HTR2C: variants seen among roughly 807,000 people sequenced by gnomAD.
HTR2C encodes the protein 5-hydroxytryptamine receptor 2C.
In HTR2C, 5 loss-of-function variants were observed where a neutral mutation model predicts 21.0. The observed-to-expected ratio is 0.24, with a 90% CI of 0.12 to 0.50. HTR2C has a LOEUF of 0.50. Among genes scored for constraint, HTR2C ranks in the 20% least tolerant of loss-of-function variants. The pLI, the probability that HTR2C is intolerant of heterozygous loss-of-function variation, is 0.98. For synonymous variants in HTR2C, 150 were observed against 145.3 expected (o/e 1.03, Z -0.23); for missense variants, 271 against 371.2 (o/e 0.73, Z 2.22).
At chrX:114,734,822 C>T (rs1417803071) in intron 4 of HTR2C, among the ~76,000 whole-genome samples, 4 of 109,966 alleles carry the variant, frequency 3.6e-5, no homozygotes, top group African/African-American at 1.3e-4. Flanking sequence ...GCTATAAATT[C>T]TAGTATACAG....
At chrX:114,628,405 A>ATTTTTTTTTTTTTTTT (rs35975864) in intron 2 of HTR2C, among the ~76,000 whole-genome samples, 6 of 43,886 alleles carry the variant, frequency 1.4e-4, no homozygotes, top group Admixed American at 4.5e-4. Context: ...TGCCAGGCTA[A>ATTTTTTTTTTTTTTTT]TTTTTTTTTT....
chrX:114,874,580 C>T (rs782369218), intron 5 of HTR2C, among the ~76,000 whole-genome samples: 2 of 110,278 alleles, frequency 1.8e-5, no homozygotes, highest in East Asian at 2.9e-4. Context: ...ACGATCTCGG[C>T]TCACTGCAAC....
intron 5 of HTR2C, among the ~76,000 whole-genome samples, chrX:114,860,773 A>G (rs1328543238): frequency 9.0e-6 from 1 of 110,753 alleles, no homozygotes; most frequent in Non-Finnish European, 1.9e-5. Flanking sequence ...CAAGATCATA[A>G]AGATAGCCAT....
At chrX:114,657,021 GTCTTA>G (rs782090342) in intron 2 of HTR2C, among the ~76,000 whole-genome samples, 54 of 111,092 alleles carry the variant, frequency 4.9e-4, no homozygotes, top group African/African-American at 1.7e-3. Flanking sequence ...GTGGGAAGCA[GTCTTA>G]TCTTCAAAAA....
chrX:114,766,707 A>C (rs1556435240), intron 4 of HTR2C, among the ~76,000 whole-genome samples: 2 of 111,632 alleles, frequency 1.8e-5, no homozygotes, highest in African/African-American at 6.5e-5. Flanking sequence ...CATTGGGCTA[A>C]TCATTAAAAG....
intron 4 of HTR2C, among the ~76,000 whole-genome samples, chrX:114,837,579 T>C (rs2070798248): frequency 9.0e-6 from 1 of 111,255 alleles, no homozygotes; most frequent in Non-Finnish European, 1.9e-5. Flanking sequence ...CACTTGTTCT[T>C]GGACTAGTTA....
At chrX:114,623,359 G>A (rs1462755083) in intron 2 of HTR2C, among the ~76,000 whole-genome samples, 1 of 111,758 alleles carries the variant, frequency 8.9e-6, no homozygotes, top group African/African-American at 3.2e-5. Context: ...TATAACTGAC[G>A]TTTACTTAAC....
intron 5 of HTR2C, among the ~76,000 whole-genome samples, chrX:114,855,543 T>C (rs1218530761): frequency 9.1e-6 from 1 of 110,400 alleles, no homozygotes; most frequent in African/African-American, 3.3e-5. Context: ...ATTTTATCAT[T>C]GGCAGCAAAT....
intron 4 of HTR2C, among the ~76,000 whole-genome samples, chrX:114,766,671 G>A (rs1234547587): frequency 1.8e-5 from 2 of 111,626 alleles, no homozygotes; most frequent in Non-Finnish European, 3.8e-5. Flanking sequence ...TCCTAACAGA[G>A]TGCTTGAACT....
At chrX:114,694,231 AT>A (rs1249646453) in intron 2 of HTR2C, among the ~76,000 whole-genome samples, 1 of 110,714 alleles carries the variant, frequency 9.0e-6, no homozygotes, top group African/African-American at 3.3e-5. Flanking sequence ...GGAAGAATAA[AT>A]TTTATTCCAT....
chrX:114,895,305 AC>A (rs1556483820), intron 5 of HTR2C, among the ~76,000 whole-genome samples: 1 of 112,092 alleles, frequency 8.9e-6, no homozygotes, highest in African/African-American at 3.2e-5. Flanking sequence ...TATTATTCTT[AC>A]ATTATACATG....
intron 2 of HTR2C, among the ~76,000 whole-genome samples, chrX:114,673,541 T>C (rs1170614708): frequency 9.0e-6 from 1 of 111,530 alleles, no homozygotes; most frequent in African/African-American, 3.3e-5. Flanking sequence ...TATTTGGCAT[T>C]TGATATTCTT....
At chrX:114,606,668 T>A (rs1435503417) in intron 1 of HTR2C, among the ~76,000 whole-genome samples, 3 of 111,651 alleles carry the variant, frequency 2.7e-5, no homozygotes, top group African/African-American at 9.8e-5. Context: ...TGGTGAGATG[T>A]TCCTTGGGCT....
chrX:114,844,822 A>G (rs1216338538), intron 4 of HTR2C, among the ~76,000 whole-genome samples: 2 of 111,977 alleles, frequency 1.8e-5, no homozygotes, highest in Non-Finnish European at 3.8e-5. Flanking sequence ...TATAACAATT[A>G]TAAACATATA....
At chrX:114,824,502 T>C (rs1353621859) in intron 4 of HTR2C, among the ~76,000 whole-genome samples, 1 of 112,272 alleles carries the variant, frequency 8.9e-6, no homozygotes, top group East Asian at 2.8e-4. Flanking sequence ...TATATGAAAA[T>C]GACTAATCTG....
rs1281673558 is a variant in HTR2C, at chrX:114,686,169, A to G, written c.-79-40689A>G. On this transcript the variant is annotated intron_variant, in intron 2 of 5. Coordinates refer to ENST00000276198, the MANE Select transcript of HTR2C (RefSeq NM_000868.4). ...TATAAAAATAACTTTGTTATCTAAA[A>G]CTTTTTACCAGATTATAATATGAAA... Among the ~76,000 whole-genome samples, 3 of 111,545 alleles carry G rather than the reference A, an allele frequency of 2.7e-5. No individual in the cohort carries two copies. The South Asian group carries it at 1.1e-3, about 42-fold the overall frequency.
At chrX:114,871,650 A>G (rs1556476553) in intron 5 of HTR2C, among the ~76,000 whole-genome samples, 1 of 84,561 alleles carries the variant, frequency 1.2e-5, no homozygotes. Context: ...TTTTTTTTGT[A>G]TCAGGATAAT....
intron 1 of HTR2C, among the ~76,000 whole-genome samples, chrX:114,607,457 C>T (rs1339941479): frequency 9.0e-6 from 1 of 111,506 alleles, no homozygotes; most frequent in Non-Finnish European, 1.9e-5. Context: ...GAAGAGTATG[C>T]ATCATTCTGA....
intron 2 of HTR2C, among the ~76,000 whole-genome samples, chrX:114,718,611 T>C (rs1337259758): frequency 9.0e-6 from 1 of 111,538 alleles, no homozygotes; most frequent in Non-Finnish European, 1.9e-5. Context: ...TCTTAGCAAC[T>C]GTAGTTACTG....
Sources: allele counts gnomAD v4.1 joint callset (sites outside exome capture counted in the v4.1 genomes callset), GRCh38; gene constraint gnomAD v4.1.1; transcripts MANE v1.5; gene names NCBI Gene and HGNC (gene_info 2026-07-23, HGNC 2026-07-21).